DENND1B: variants seen among roughly 807,000 people sequenced by gnomAD.
DENND1B encodes DENN domain containing 1B.
Under a neutral mutation model 90.1 loss-of-function variants are expected in DENND1B, and 59 were observed. The observed-to-expected ratio is 0.65, with a 90% CI of 0.53 to 0.81. The LOEUF is 0.81. Among genes scored for constraint, DENND1B ranks in the 40% least tolerant of loss-of-function variants. The pLI is 0.00. For missense variants in DENND1B, 862 were observed against 912.6 expected, an observed-to-expected ratio of 0.94 and a Z score of 0.71; for synonymous variants, 337 against 324.6, an observed-to-expected ratio of 1.04 and a Z score of -0.41.
rs148297819 is a variant in DENND1B at position 197,688,484 on chromosome 1, G to T, written c.127-14315C>A. Among the ~76,000 whole-genome samples the T allele has an allele frequency of 3.3e-4, 50 of 152,028 alleles. No homozygotes were observed. The East Asian group carries it at 9.7e-3, about 29-fold the overall frequency. ...GCAGAAAGACAGACATATAACCAAT[G>T]GAACAAAATAGAGAGCTCAGAAATA... On this transcript the variant is annotated intron_variant, in intron 3 of 22. Transcript: ENST00000620048.
At chr1:197,752,101 T>C (rs1402513941) in intron 2 of DENND1B, among the ~76,000 whole-genome samples, 1 of 151,670 alleles carries the variant, frequency 6.6e-6, no homozygotes, top group African/African-American at 2.4e-5. Flanking sequence ...CAAAATACTC[T>C]ATTGGCTCTC....
At chr1:197,646,380 G>C (rs73075682) in intron 8 of DENND1B, among the ~76,000 whole-genome samples, 3,683 of 151,852 alleles carry the variant, frequency 0.024, 153 homozygotes, top group African/African-American at 0.084. Flanking sequence ...CTTCTATAAT[G>C]TTCAAAGAAG....
At chr1:197,621,440 A>C (rs1678152318) in intron 10 of DENND1B, among the ~76,000 whole-genome samples, 1 of 151,404 alleles carries the variant, frequency 6.6e-6, no homozygotes. Flanking sequence ...ACACAAATTA[A>C]AGGAAAATAA....
At chr1:197,693,864 G>A (rs531437683) in intron 3 of DENND1B, among the ~76,000 whole-genome samples, 2 of 151,508 alleles carry the variant, frequency 1.3e-5, no homozygotes, top group East Asian at 1.9e-4. Flanking sequence ...GCCTACAACT[G>A]TCATTAAGCC....
At chr1:197,746,185 A>T (rs1663728831) in intron 2 of DENND1B, among the ~76,000 whole-genome samples, 1 of 152,224 alleles carries the variant, frequency 6.6e-6, no homozygotes, top group African/African-American at 2.4e-5. Flanking sequence ...TCAGGCCAGG[A>T]GTTCAAGACC....
rs772150228 is a variant in DENND1B, at chr1:197,672,105, A to T, written c.228T>A (p.Ile76=). 1 of 1,612,792 alleles carries T rather than the reference A, an allele frequency of 6.2e-7. No homozygotes were observed. Among genetic ancestry groups the T allele is most frequent in the South Asian group, 1.1e-5 (1 of 91,022 alleles). Residue 76 remains isoleucine (I), a synonymous_variant, in exon 5 of 23, where the codon ATT becomes ATA. Transcript: ENST00000620048. ...AGAATCCAAATCTCTGTTTACTTTC[A>T]ATGTCTGTCAGTACAAAGGTAAAGT... ...GQHFTFVLTD[I]ESKQRFGFCR... is the part of the protein sequence containing the mutation.
At chr1:197,706,697 G>C (rs1211946602) in intron 3 of DENND1B, among the ~76,000 whole-genome samples, 1 of 152,086 alleles carries the variant, frequency 6.6e-6, no homozygotes, top group Non-Finnish European at 1.5e-5. Flanking sequence ...CTAATCATCA[G>C]GGAAATGCAA....
chr1:197,773,657 T>G (rs188980840), intron 1 of DENND1B, among the ~76,000 whole-genome samples: 1 of 152,378 alleles, frequency 6.6e-6, no homozygotes, highest in East Asian at 1.9e-4. Context: ...AAGTTTACTT[T>G]GCTTAATTCA....
intron 2 of DENND1B, among the ~76,000 whole-genome samples, chr1:197,721,838 C>T (rs1360386340): frequency 6.6e-6 from 1 of 152,098 alleles, no homozygotes; most frequent in Non-Finnish European, 1.5e-5. Flanking sequence ...TACTATAATT[C>T]TAGTTCCATA....
intron 15 of DENND1B, among the ~76,000 whole-genome samples, chr1:197,578,169 A>G (rs1571946501): frequency 6.6e-6 from 1 of 152,202 alleles, no homozygotes; most frequent in African/African-American, 2.4e-5. Context: ...TGCATGGTAC[A>G]GTGACCACAG....
At chr1:197,527,488 G>T (rs1371632787) in intron 20 of DENND1B, among the ~76,000 whole-genome samples, 14 of 151,910 alleles carry the variant, frequency 9.2e-5, no homozygotes, top group African/African-American at 2.9e-4. Context: ...CTCCGTGTTG[G>T]CCAGGCTGGT....
intron 5 of DENND1B, among the ~76,000 whole-genome samples, chr1:197,662,571 A>T (rs1282041474): frequency 6.6e-6 from 1 of 151,274 alleles, no homozygotes; most frequent in Admixed American, 6.6e-5. Context: ...AGCCTTTTTT[A>T]AAAAATATAT....
chr1:197,617,760 C>T lies in DENND1B; in HGVS notation c.673-1G>A. The T allele has an allele frequency of 6.2e-7, 1 of 1,604,942 alleles. No individual in the cohort carries two copies. Among genetic ancestry groups the T allele is most frequent in the Non-Finnish European group, 8.5e-7 (1 of 1,173,460 alleles). ...CTGATCCATGGATACAGGCAGTTAA[C>T]TGAAATTTGTAAAAGGATAACAAAA... On this transcript the variant is annotated splice_acceptor_variant, in intron 10 of 22. Transcript: ENST00000620048. LOFTEE classifies it high-confidence loss of function.
rs1443137344 is a variant in DENND1B, at chr1:197,757,601, C to T, written c.82+15267G>A. Among the ~76,000 whole-genome samples the T allele has an allele frequency of 3.3e-5, 5 of 152,068 alleles. No individual in the cohort carries two copies. In the South Asian group the frequency reaches 6.2e-4, roughly 19 times the overall value. On this transcript the variant is annotated intron_variant, in intron 2 of 22. Coordinates refer to ENST00000620048, the MANE Select transcript of DENND1B (RefSeq NM_001195215.2). ...AAGGGTCTTACATAAATTTGTCTGA[C>T]AAAATATAAACTTCATCAACATTAT... is the stretch of plus-strand genomic sequence containing the variant.
intron 3 of DENND1B, among the ~76,000 whole-genome samples, chr1:197,699,761 C>CA (rs1658832645): frequency 6.6e-6 from 1 of 151,978 alleles, no homozygotes; most frequent in African/African-American, 2.4e-5. Context: ...TATTCCTTTA[C>CA]AAACTACCAT....
chr1:197,737,543 G>T (rs1416113604), intron 2 of DENND1B, among the ~76,000 whole-genome samples: 2 of 151,468 alleles, frequency 1.3e-5, no homozygotes, highest in East Asian at 1.9e-4. Context: ...AAAACAAGGA[G>T]ATTTTTTGCA....
chr1:197,595,173 A>T (rs758570037), intron 14 of DENND1B, 35 bp downstream of exon 14: 2 of 1,577,804 alleles, frequency 1.3e-6, no homozygotes, highest in South Asian at 2.4e-5. Context: ...ACCATAAAAA[A>T]GCAAATTAAA....
intron 2 of DENND1B, among the ~76,000 whole-genome samples, chr1:197,751,796 A>G (rs1185125479): frequency 1.3e-5 from 2 of 148,536 alleles, no homozygotes; most frequent in Non-Finnish European, 3.0e-5. Context: ...GTGAGCCAAG[A>G]TCGTGCCACT....
intron 20 of DENND1B, among the ~76,000 whole-genome samples, chr1:197,534,165 G>C (rs1669713136): frequency 6.6e-6 from 1 of 152,128 alleles, no homozygotes; most frequent in South Asian, 2.1e-4. Flanking sequence ...AAAGAATTTG[G>C]ATACTTGAGC....
Sources: gnomAD v4.1 joint callset for allele counts (sites outside exome capture counted in the v4.1 genomes callset) on GRCh38, gnomAD v4.1.1 for gene constraint, MANE v1.5 for transcripts, NCBI Gene and HGNC (gene_info 2026-07-23, HGNC 2026-07-21) for gene names.